ILDR1: variants seen among roughly 807,000 people sequenced by gnomAD.
ILDR1 encodes immunoglobulin like domain containing receptor 1, also known as immunoglobulin-like domain-containing receptor 1.
In ILDR1, 56 loss-of-function variants were observed where a neutral mutation model predicts 62.4. That is an observed-to-expected ratio of 0.90 (90% CI 0.72 to 1.12). The LOEUF (loss-of-function observed/expected upper bound fraction) is 1.12. Among genes scored for constraint, ILDR1 ranks in the 50% most tolerant of loss-of-function variants. The pLI, the probability that ILDR1 is intolerant of heterozygous loss-of-function variation, is 0.00. For synonymous variants in ILDR1, 284 were observed against 277.8 expected (o/e 1.02, Z -0.22); for missense variants, 736 against 710.6 (o/e 1.04, Z -0.41).
the ILDR1 span, among the ~76,000 whole-genome samples, chr3:122,042,876 T>A: frequency 6.6e-6 from 1 of 152,140 alleles, no homozygotes; most frequent in Admixed American, 6.5e-5. Context: ...GCCTGTTCAC[T>A]CTGATGGTAT....
the ILDR1 span, among the ~76,000 whole-genome samples, chr3:122,041,875 T>C: frequency 3.3e-5 from 5 of 151,870 alleles, no homozygotes; most frequent in Admixed American, 3.3e-4. Context: ...ATGTTACTTC[T>C]TCCTTTCCAA....
In ILDR1 at chr3:122,006,229, G is replaced by A. The variant is rs141867743; in HGVS notation, c.229+762C>T. On this transcript the variant is annotated intron_variant, in intron 2 of 7. Transcript: ENST00000344209. Reference sequence around the variant, plus strand: ...CCTCTCCATTTGCTTCTTCTCAGGAGGCTCACTTTTCCCTATGAACAGGGT... The same window carrying A: ...CCTCTCCATTTGCTTCTTCTCAGGAAGCTCACTTTTCCCTATGAACAGGGT... Among the ~76,000 whole-genome samples the A allele has an allele frequency of 2.1e-3, 318 of 152,258 alleles. 5 individuals are homozygous for A. The East Asian group carries it at 0.042, about 20-fold the overall frequency.
the ILDR1 span, among the ~76,000 whole-genome samples, chr3:122,039,916 T>C: frequency 6.6e-6 from 1 of 152,106 alleles, no homozygotes; most frequent in Admixed American, 6.5e-5. Flanking sequence ...GAGAGACTAC[T>C]TTTTAAAATA....
At chr3:121,993,099 G>C (rs1190803913) in intron 7 of ILDR1, 51 bp downstream of exon 7, 1 of 1,411,474 alleles carries the variant, frequency 7.1e-7, no homozygotes, top group Non-Finnish European at 9.8e-7. Context: ...TGCCTGGCTG[G>C]AGGCTCCTCT....
At chr3:122,001,655 T>G in intron 4 of ILDR1, 90 bp downstream of exon 4, 1 of 1,559,732 alleles carries the variant, frequency 6.4e-7, no homozygotes, top group Non-Finnish European at 8.8e-7. Flanking sequence ...AACTTAGGCT[T>G]GCTTATTTCT....
At chr3:122,002,734 T>A (rs1030080754) in intron 3 of ILDR1, among the ~76,000 whole-genome samples, 4 of 151,970 alleles carry the variant, frequency 2.6e-5, no homozygotes, top group African/African-American at 9.7e-5. Flanking sequence ...AAGCCAAGCA[T>A]CCATTAGCTG....
upstream of ILDR1, among the ~76,000 whole-genome samples, chr3:122,026,349 G>A (rs538058114): frequency 2.6e-5 from 4 of 152,310 alleles, no homozygotes; most frequent in South Asian, 8.3e-4. Flanking sequence ...TCAATAACTG[G>A]TGTTGGAAAT....
In ILDR1 at chr3:122,001,422, C is replaced by G. The variant is rs201297724; in HGVS notation, c.532G>C (p.Ala178Pro). ...WLTVIFIILG[A>P]LLLLLLIGVC... is the part of the protein sequence containing the mutation. The stretch of plus-strand genomic sequence containing the variant: ...CCAATCAGCAGCAGGAGGAGGAGGG[C>G]TCCCAGGATGATGAAGATCACTGTC... The change falls in exon 5 of 8, where the codon GCC becomes CCC. Residue 178 changes from alanine (A) to proline (P), a missense_variant. Physicochemically the swap from Ala to Pro is conservative, Grantham distance 27 (BLOSUM62 -1). Coordinates refer to ENST00000344209, the MANE Select transcript of ILDR1 (RefSeq NM_001199799.2). The G allele has an allele frequency of 2.6e-5, 42 of 1,614,124 alleles. No individual in the cohort carries two copies. The African/African-American group carries it at 5.2e-4, about 20-fold the overall frequency.
At chr3:121,993,011 C>T in intron 7 of ILDR1, 139 bp downstream of exon 7, 2 of 743,784 alleles carry the variant, frequency 2.7e-6, no homozygotes, top group Non-Finnish European at 4.8e-6. Context: ...CCACCTAGCC[C>T]ACAGTGTAAT....
At chr3:122,022,529 T>C (rs2071877410), upstream of ILDR1, among the ~76,000 whole-genome samples, 2 of 152,214 alleles carry the variant, frequency 1.3e-5, no homozygotes, top group South Asian at 2.1e-4. Flanking sequence ...TATATTTCCA[T>C]TCCCTTATAA....
At chr3:122,025,430 G>A (rs1389007164), upstream of ILDR1, 1 of 152,160 alleles carries the variant, frequency 6.6e-6, no homozygotes, top group Non-Finnish European at 1.5e-5. Context: ...ACTTACCCAA[G>A]CCTACCCAGC....
intron 2 of ILDR1, among the ~76,000 whole-genome samples, chr3:122,006,106 C>T (rs1026722869): frequency 1.3e-5 from 2 of 152,118 alleles, no homozygotes; most frequent in Non-Finnish European, 2.9e-5. Flanking sequence ...GGGACAATGG[C>T]AGACTCAGTG....
At chr3:121,993,094 G>A (rs2071373726) in intron 7 of ILDR1, 56 bp downstream of exon 7, 31 of 1,380,760 alleles carry the variant, frequency 2.2e-5, no homozygotes, top group Non-Finnish European at 2.8e-5. Flanking sequence ...GGTCATGCCT[G>A]GCTGGAGGCT....
At chr3:122,055,507 A>G in the ILDR1 span, 1 of 1,613,924 alleles carries the variant, frequency 6.2e-7, no homozygotes. Flanking sequence ...CCCAGTGGTG[A>G]GTAATAATTC....
intron 1 of ILDR1, among the ~76,000 whole-genome samples, chr3:122,014,091 C>G (rs549577738): frequency 6.6e-6 from 1 of 152,338 alleles, no homozygotes; most frequent in East Asian, 1.9e-4. Flanking sequence ...GATAAGTTTT[C>G]TAAATGGTTG....
chr3:122,034,357 T>C, the ILDR1 span, among the ~76,000 whole-genome samples: 7 of 152,172 alleles, frequency 4.6e-5, no homozygotes, highest in Non-Finnish European at 7.3e-5. Flanking sequence ...TTTTCATCCA[T>C]ATGACAAGAA....
chr3:122,019,436 G>GA (rs1336774698), intron 1 of ILDR1, among the ~76,000 whole-genome samples: 6 of 151,948 alleles, frequency 3.9e-5, no homozygotes, highest in African/African-American at 9.7e-5. Context: ...TGGGAGCTGT[G>GA]AAAAAAAATC....
chr3:122,019,792 G>A (rs959170492), intron 1 of ILDR1, among the ~76,000 whole-genome samples: 1 of 152,244 alleles, frequency 6.6e-6, no homozygotes, highest in African/African-American at 2.4e-5. Flanking sequence ...AGGCTAATCA[G>A]AGAATTGGGT....
chr3:122,025,422 T>C (rs2071911539), upstream of ILDR1: 2 of 152,228 alleles, frequency 1.3e-5, no homozygotes, highest in African/African-American at 4.8e-5. Flanking sequence ...GTTCATTAAC[T>C]TACCCAAGCC....
Sources: allele counts gnomAD v4.1 joint callset (sites outside exome capture counted in the v4.1 genomes callset), GRCh38; gene constraint gnomAD v4.1.1; transcripts MANE v1.5; gene names NCBI Gene and HGNC (gene_info 2026-07-23, HGNC 2026-07-21).